The following SHISA6 variants were observed in gnomAD, a reference collection of about 807,000 sequenced individuals.
SHISA6 encodes shisa family member 6.
A neutral mutation model predicts 47.9 loss-of-function variants in SHISA6; 22 were observed. The observed-to-expected ratio is 0.46, with a 90% CI of 0.33 to 0.66. The LOEUF (loss-of-function observed/expected upper bound fraction) is 0.66. Ranked by LOEUF, SHISA6 falls within the 30% of genes least tolerant of loss-of-function variation. The pLI, the probability that SHISA6 is intolerant of heterozygous loss-of-function variation, is 0.02. For synonymous variants in SHISA6, 388 were observed against 337.8 expected (o/e 1.15, Z -1.63); for missense variants, 680 against 764.6 (o/e 0.89, Z 1.30).
chr17:11,540,151 G>A (rs976469476), intron 3 of SHISA6, among the ~76,000 whole-genome samples: 2 of 152,100 alleles, frequency 1.3e-5, no homozygotes, highest in Non-Finnish European at 1.5e-5. Flanking sequence ...GTACACTAAC[G>A]TAGCATTTGT....
intron 3 of SHISA6, among the ~76,000 whole-genome samples, chr17:11,420,505 A>G (rs1394887055): frequency 1.3e-5 from 2 of 152,246 alleles, no homozygotes; most frequent in Non-Finnish European, 2.9e-5. Context: ...AGAGAAACTA[A>G]GTTAAGCAGC....
chr17:11,494,162 C>A (rs2071389346), intron 3 of SHISA6, among the ~76,000 whole-genome samples: 1 of 152,138 alleles, frequency 6.6e-6, no homozygotes, highest in African/African-American at 2.4e-5. Context: ...TCAGGCAGAG[C>A]CAAACAGGGA....
At chr17:11,277,701 G>A (rs2142158506) in intron 2 of SHISA6, among the ~76,000 whole-genome samples, 1 of 152,244 alleles carries the variant, frequency 6.6e-6, no homozygotes, top group South Asian at 2.1e-4. Flanking sequence ...GGGATTCAGG[G>A]AGAATATGGG....
intron 3 of SHISA6, among the ~76,000 whole-genome samples, chr17:11,521,011 C>T (rs965092607): frequency 3.3e-5 from 5 of 152,110 alleles, no homozygotes; most frequent in East Asian, 1.9e-4. Context: ...ACAATGGACG[C>T]GCAATAAATA....
chr17:11,521,126 T>G (rs946130066), intron 3 of SHISA6, among the ~76,000 whole-genome samples: 1 of 152,224 alleles, frequency 6.6e-6, no homozygotes, highest in Admixed American at 6.5e-5. Flanking sequence ...TTCTAGAAAT[T>G]TATAACTCTG....
intron 2 of SHISA6, among the ~76,000 whole-genome samples, chr17:11,320,943 G>T (rs1395413120): frequency 3.9e-5 from 6 of 152,178 alleles, no homozygotes; most frequent in Non-Finnish European, 8.8e-5. Flanking sequence ...ATCATATACA[G>T]ATGTAGATTC....
intron 3 of SHISA6, among the ~76,000 whole-genome samples, chr17:11,398,654 G>A (rs140185295): frequency 0.018 from 2,685 of 151,712 alleles, 85 homozygotes; most frequent in African/African-American, 0.049. Context: ...GTACAGTAGC[G>A]CGATCTCAGC....
intron 3 of SHISA6, among the ~76,000 whole-genome samples, chr17:11,455,519 A>G (rs1464818340): frequency 6.6e-6 from 1 of 150,796 alleles, no homozygotes; most frequent in Non-Finnish European, 1.5e-5. Flanking sequence ...AAGTGTGTGT[A>G]CAAGCGTGGA....
intron 2 of SHISA6, among the ~76,000 whole-genome samples, chr17:11,356,360 A>G (rs575896285): frequency 1.8e-4 from 28 of 152,236 alleles, no homozygotes; most frequent in African/African-American, 5.5e-4. Context: ...GAGACTCTCC[A>G]TTGGTCTCTC....
At chr17:11,362,240 AG>A (rs1912313323) in intron 2 of SHISA6, among the ~76,000 whole-genome samples, 1 of 152,104 alleles carries the variant, frequency 6.6e-6, no homozygotes, top group African/African-American at 2.4e-5. Flanking sequence ...CCTGGGCTCA[AG>A]CAATCCTCCT....
intron 3 of SHISA6, among the ~76,000 whole-genome samples, chr17:11,493,424 A>G (rs2071382110): frequency 6.6e-6 from 1 of 152,098 alleles, no homozygotes; most frequent in African/African-American, 2.4e-5. Context: ...ACAGGGTTTC[A>G]TTATGTTGGT....
intron 2 of SHISA6, among the ~76,000 whole-genome samples, chr17:11,293,966 A>G (rs1193827777): frequency 1.3e-5 from 2 of 149,554 alleles, no homozygotes; most frequent in Non-Finnish European, 1.5e-5. Context: ...GCTCACTGCA[A>G]CCTCTGCCTC....
At chr17:11,545,049 C>G (rs1216943410) in intron 3 of SHISA6, among the ~76,000 whole-genome samples, 1 of 151,520 alleles carries the variant, frequency 6.6e-6, no homozygotes, top group African/African-American at 2.4e-5. Flanking sequence ...GTATATGAAG[C>G]TGTATGTTGA....
At chr17:11,502,714 G>C (rs1184338030) in intron 3 of SHISA6, among the ~76,000 whole-genome samples, 1 of 152,218 alleles carries the variant, frequency 6.6e-6, no homozygotes, top group African/African-American at 2.4e-5. Context: ...ATGACAGAGC[G>C]AGACTCCGTC....
At chr17:11,449,390 C>A (rs1019757596) in intron 3 of SHISA6, among the ~76,000 whole-genome samples, 3 of 151,860 alleles carry the variant, frequency 2.0e-5, no homozygotes, top group African/African-American at 7.3e-5. Context: ...TTGCACTGAG[C>A]TGAGATCGTG....
intron 3 of SHISA6, among the ~76,000 whole-genome samples, chr17:11,391,629 C>CT (rs1371737242): frequency 3.3e-5 from 5 of 152,130 alleles, no homozygotes; most frequent in Non-Finnish European, 7.3e-5. Context: ...GACTGCAGAG[C>CT]TGAAGGGAGT....
intron 2 of SHISA6, among the ~76,000 whole-genome samples, chr17:11,326,441 G>T (rs1055990758): frequency 1.3e-5 from 2 of 152,078 alleles, no homozygotes; most frequent in Non-Finnish European, 2.9e-5. Flanking sequence ...AGTATTGCAG[G>T]TTCTAAACTC....
At chr17:11,407,524 A>G (rs1914000003) in intron 3 of SHISA6, among the ~76,000 whole-genome samples, 2 of 151,888 alleles carry the variant, frequency 1.3e-5, no homozygotes, top group African/African-American at 4.8e-5. Flanking sequence ...TCTCTTAAAT[A>G]TACACACATA....
chr17:11,489,808 A>G (rs530907139), intron 3 of SHISA6, among the ~76,000 whole-genome samples: 2 of 152,328 alleles, frequency 1.3e-5, no homozygotes, highest in African/African-American at 4.8e-5. Flanking sequence ...TTTACTGGCA[A>G]CTAGTGGGTA....
Sources: gnomAD v4.1 joint callset for allele counts (sites outside exome capture counted in the v4.1 genomes callset) on GRCh38, gnomAD v4.1.1 for gene constraint, MANE v1.5 for transcripts, NCBI Gene and HGNC (gene_info 2026-07-23, HGNC 2026-07-21) for gene names.